The following SNX29 variants were observed in gnomAD, a reference collection of about 807,000 sequenced individuals.
The protein encoded by SNX29 is sorting nexin 29, also known as sorting nexin-29.
In SNX29, 78 loss-of-function variants were observed where a neutral mutation model predicts 102.1. The observed-to-expected ratio is 0.76, with a 90% CI of 0.64 to 0.92. SNX29 has a LOEUF of 0.92. Among genes scored for constraint, SNX29 ranks in the 40% least tolerant of loss-of-function variants. The probability of loss-of-function intolerance (pLI) is 0.00; values close to 1 mark genes in which losing one functional copy is unlikely to be tolerated. For missense variants in SNX29, 1,280 were observed against 1,061.7 expected (o/e 1.21, Z -2.86); for synonymous variants, 580 against 414.5 (o/e 1.40, Z -4.85).
chr16:12,143,239 C>T (rs946035738), intron 13 of SNX29, among the ~76,000 whole-genome samples: 1 of 152,008 alleles, frequency 6.6e-6, no homozygotes, highest in African/African-American at 2.4e-5. Flanking sequence ...TCAGGTGATC[C>T]GTCCACCTCG....
intron 18 of SNX29, among the ~76,000 whole-genome samples, chr16:12,476,130 G>T (rs963738489): frequency 6.6e-6 from 1 of 151,376 alleles, no homozygotes; most frequent in African/African-American, 2.4e-5. Context: ...AGACCAGCCT[G>T]ACCAACATGG....
At chr16:12,203,030 G>A (rs182412064) in intron 14 of SNX29, among the ~76,000 whole-genome samples, 30 of 149,926 alleles carry the variant, frequency 2.0e-4, no homozygotes, top group Admixed American at 8.6e-4. Flanking sequence ...CTGAAGTTGC[G>A]TAGCATGGCC....
intron 19 of SNX29, among the ~76,000 whole-genome samples, chr16:12,499,125 C>T (rs2088980219): frequency 6.6e-6 from 1 of 152,126 alleles, no homozygotes; most frequent in Non-Finnish European, 1.5e-5. Context: ...TGGGAAATCG[C>T]AGTAGAAGGC....
intron 17 of SNX29, among the ~76,000 whole-genome samples, chr16:12,401,256 A>T (rs1264318316): frequency 6.6e-6 from 1 of 152,208 alleles, no homozygotes; most frequent in Middle Eastern, 3.2e-3. Context: ...AAGTGCCTGT[A>T]ACTTTCCAGG....
At chr16:12,437,178 A>G (rs1597376235) in intron 18 of SNX29, among the ~76,000 whole-genome samples, 1 of 152,228 alleles carries the variant, frequency 6.6e-6, no homozygotes, top group Admixed American at 6.5e-5. Context: ...GGGTAGCCCA[A>G]ATGAATGTGG....
chr16:12,543,934 T>C (rs139957340), intron 20 of SNX29, among the ~76,000 whole-genome samples: 101 of 152,282 alleles, frequency 6.6e-4, no homozygotes, highest in African/African-American at 2.3e-3. Flanking sequence ...CGGCACCCTC[T>C]CGTTCTAAGC....
chr16:12,132,561 GA>G (rs1371926348), intron 13 of SNX29, among the ~76,000 whole-genome samples: 2 of 152,244 alleles, frequency 1.3e-5, no homozygotes, highest in Non-Finnish European at 1.5e-5. Context: ...TGAAGGGGCT[GA>G]ATGAGGAGGA....
chr16:12,571,433 G>A lies in SNX29; in HGVS notation c.*2804G>A, dbSNP rs749643672. The stretch of plus-strand genomic sequence containing the variant: ...CATCTGTCTTCTTCTAAGATTACTC[G>A]GAGATTTTCAAACAACATCTGAGAA... On this transcript the variant is annotated 3_prime_UTR_variant, in exon 21 of 21. Transcript: ENST00000566228. The A allele has an allele frequency of 7.2e-5, 17 of 234,970 alleles. No individual in the cohort carries two copies. Among genetic ancestry groups the A allele is most frequent in the African/African-American group, 1.1e-4 (5 of 45,240 alleles). The allele number at this position is 234,970 out of a possible 1,614,324, so 14.6% of individuals were successfully genotyped here. A position where few individuals can be genotyped will look rare whatever the true frequency, so the allele number is the denominator to read the frequency against.
At chr16:12,539,133 TAC>T (rs1339637199) in intron 20 of SNX29, among the ~76,000 whole-genome samples, 11 of 152,192 alleles carry the variant, frequency 7.2e-5, no homozygotes, top group African/African-American at 2.2e-4. Flanking sequence ...ATTTTTAATT[TAC>T]ACAGTGCAAT....
At chr16:12,011,186 G>T (rs2056639911) in intron 3 of SNX29, among the ~76,000 whole-genome samples, 5 of 145,130 alleles carry the variant, frequency 3.4e-5, no homozygotes, top group Non-Finnish European at 6.1e-5. Flanking sequence ...TGAATTGCTT[G>T]GGGTTTTTTT....
intron 20 of SNX29, chr16:12,557,792 A>T (rs2078463042): frequency 6.6e-6 from 1 of 152,224 alleles, no homozygotes; most frequent in African/African-American, 2.4e-5. Context: ...TCACGATCTT[A>T]CAGGATCACT....
intron 10 of SNX29, 60 bp from the exon 11 acceptor site, chr16:12,078,773 T>C: frequency 7.0e-7 from 1 of 1,431,466 alleles, no homozygotes; most frequent in Non-Finnish European, 9.7e-7. Flanking sequence ...GTTTTTGGAA[T>C]GGTGAGGGTG....
Position 12,572,505 on chromosome 16 carries a change from C to G in SNX29, c.*3876C>G. On this transcript the variant is annotated 3_prime_UTR_variant, in exon 21 of 21. Coordinates refer to ENST00000566228, the MANE Select transcript of SNX29 (RefSeq NM_032167.5). ...TCTTGGGGTTCCAGGCCTCGGCCTT[C>G]CTGCTCCACGTGCTCAAGCCCCCAC... 2 of 1,064,044 alleles carry G rather than the reference C, an allele frequency of 1.9e-6. No individual in the cohort carries two copies. Among genetic ancestry groups the G allele is most frequent in the Non-Finnish European group, 2.3e-6 (2 of 878,452 alleles). 65.9% of individuals were successfully genotyped at this position (1,064,044 alleles called of 1,614,324 possible). A position where few individuals can be genotyped will look rare whatever the true frequency, so the allele number is the denominator to read the frequency against.
intron 16 of SNX29, among the ~76,000 whole-genome samples, chr16:12,391,132 G>T (rs1321697115): frequency 6.6e-6 from 1 of 152,080 alleles, no homozygotes; most frequent in African/African-American, 2.4e-5. Flanking sequence ...ATTCTGTTGA[G>T]ATGGGGTCTC....
intron 18 of SNX29, among the ~76,000 whole-genome samples, chr16:12,426,053 C>CA (rs200572235): frequency 2.0e-5 from 3 of 146,660 alleles, no homozygotes; most frequent in Non-Finnish European, 4.5e-5. Flanking sequence ...CTTACTGGGA[C>CA]AAAAAAAATA....
chr16:12,465,605 C>G (rs577365440), intron 18 of SNX29, among the ~76,000 whole-genome samples: 1 of 151,956 alleles, frequency 6.6e-6, no homozygotes, highest in Non-Finnish European at 1.5e-5. Context: ...CGATTACTGT[C>G]GTTTTGTAGT....
At chr16:12,090,805 A>T (rs2151399576) in intron 11 of SNX29, among the ~76,000 whole-genome samples, 1 of 152,238 alleles carries the variant, frequency 6.6e-6, no homozygotes, top group East Asian at 1.9e-4. Flanking sequence ...ACCTGAGGCC[A>T]GGAGTTCAAG....
At chr16:12,542,259 G>A (rs1025858292) in intron 20 of SNX29, among the ~76,000 whole-genome samples, 3 of 118,420 alleles carry the variant, frequency 2.5e-5, no homozygotes, top group African/African-American at 8.0e-5. Flanking sequence ...TATAGATGAG[G>A]AAATTGAGGC....
At chr16:12,420,631 C>CA (rs1414687295) in intron 18 of SNX29, among the ~76,000 whole-genome samples, 5 of 152,274 alleles carry the variant, frequency 3.3e-5, no homozygotes, top group Middle Eastern at 3.4e-3. Context: ...TGTCTCCATA[C>CA]AAGGAGATAA....
Sources: allele counts gnomAD v4.1 joint callset (sites outside exome capture counted in the v4.1 genomes callset), GRCh38; gene constraint gnomAD v4.1.1; transcripts MANE v1.5; gene names NCBI Gene and HGNC (gene_info 2026-07-23, HGNC 2026-07-21).